Variants in CEP20 observed in about 807,000 individuals in gnomAD.
The protein encoded by CEP20 is FGFR1OP N-terminal like.
In CEP20, 18 loss-of-function variants were observed where a neutral mutation model predicts 20.0. The ratio of observed to expected loss-of-function variants is 0.90; its 90% CI spans 0.62 to 1.34. The LOEUF is 1.34. Among genes scored for constraint, CEP20 ranks in the 40% most tolerant of loss-of-function variants. The pLI, the probability that CEP20 is intolerant of heterozygous loss-of-function variation, is 0.00. For missense variants in CEP20, 215 were observed against 201.6 expected (o/e 1.07, Z -0.40); for synonymous variants, 77 against 73.7 (o/e 1.04, Z -0.23).
At chr16:15,888,314 T>C (rs2045295814) in intron 1 of CEP20, among the ~76,000 whole-genome samples, 1 of 152,098 alleles carries the variant, frequency 6.6e-6, no homozygotes, top group Non-Finnish European at 1.5e-5. Flanking sequence ...TGCCTGAAGA[T>C]TACGCAACTC....
chr16:15,866,732 A>G lies in CEP20; in HGVS notation c.*708T>C, dbSNP rs956092244. The G allele has an allele frequency of 9.9e-5, 15 of 152,208 alleles. No homozygotes were observed. Among genetic ancestry groups the G allele is most frequent in the Non-Finnish European group, 2.9e-5 (2 of 68,042 alleles). 9.4% of individuals were successfully genotyped at this position (152,208 alleles called of 1,614,324 possible). ...CATGCTTACTTCACATTCTTTATCT[A>G]ATAAAATAAACTCTTTGTTTTATTT... On this transcript the variant is annotated 3_prime_UTR_variant, in exon 5 of 5. Coordinates refer to ENST00000255759, the MANE Select transcript of CEP20 (RefSeq NM_144600.4).
In CEP20 at chr16:15,888,557, C is replaced by A. The variant is rs756830363; in HGVS notation, c.28+1G>T. ...GTGGAGGCCTCCCTGCTCGCACTCACCAGCCTTCAACTCTGCCACAGTCGC... is the reference window on the plus strand; with the variant it reads ...GTGGAGGCCTCCCTGCTCGCACTCAACAGCCTTCAACTCTGCCACAGTCGC... On this transcript the variant is annotated splice_donor_variant, in intron 1 of 4. Coordinates refer to ENST00000255759, the MANE Select transcript of CEP20 (RefSeq NM_144600.4). LOFTEE classifies it high-confidence loss of function. The A allele has an allele frequency of 1.2e-6, 2 of 1,614,192 alleles. No individual in the cohort carries two copies. The highest frequency in any genetic ancestry group is 1.1e-5 in the South Asian group (1 of 91,084).
chr16:15,879,602 AGTCACT>A (rs1164949386), intron 3 of CEP20, among the ~76,000 whole-genome samples, 196 bp downstream of exon 3: 1 of 152,206 alleles, frequency 6.6e-6, no homozygotes, highest in African/African-American at 2.4e-5. Context: ...GAAGATGCTG[AGTCACT>A]CTGAAGCCAT....
chr16:15,882,467 T>A (rs1423672897), intron 2 of CEP20, among the ~76,000 whole-genome samples: 3 of 151,538 alleles, frequency 2.0e-5, no homozygotes, highest in Admixed American at 2.0e-4. Context: ...GAGGTAGACG[T>A]TGCAGTGAGC....
At chr16:15,867,973 C>CAAA (rs34250443) in intron 4 of CEP20, among the ~76,000 whole-genome samples, 71 of 69,586 alleles carry the variant, frequency 1.0e-3, no homozygotes, top group Non-Finnish European at 1.7e-3. Flanking sequence ...AACTCGGTCT[C>CAAA]AAAAAAAAAA....
At chr16:15,874,441 T>C (rs945545892) in intron 3 of CEP20, among the ~76,000 whole-genome samples, 5 of 152,186 alleles carry the variant, frequency 3.3e-5, no homozygotes, top group Non-Finnish European at 7.3e-5. Context: ...TTCCCCCAGA[T>C]AGTAAACAAA....
intron 2 of CEP20, among the ~76,000 whole-genome samples, chr16:15,880,518 G>A (rs1040215936): frequency 6.6e-6 from 1 of 152,148 alleles, no homozygotes; most frequent in African/African-American, 2.4e-5. Context: ...GGTCATAGAT[G>A]AGCAAACTAG....
Position 15,888,445 on chromosome 16 carries a change from T to C in CEP20, c.28+113A>G, listed in dbSNP as rs1290170386. The C allele has an allele frequency of 5.0e-6, 7 of 1,393,850 alleles. No individual in the cohort carries two copies. In the African/African-American group the frequency reaches 1.0e-4, roughly 20 times the overall value. 86.3% of individuals were successfully genotyped at this position (1,393,850 alleles called of 1,614,324 possible). On this transcript the variant is annotated intron_variant, in intron 1 of 4. Transcript: ENST00000255759. The stretch of plus-strand genomic sequence containing the variant: ...CCCCGCAGGCCCTCACACCGAAGAA[T>C]GACGCCTGTAAAAGCCAACCCATGT...
chr16:15,882,004 G>A (rs1012297979), intron 2 of CEP20, among the ~76,000 whole-genome samples: 6 of 152,122 alleles, frequency 3.9e-5, no homozygotes, highest in South Asian at 2.1e-4. Context: ...GGGACCTGGC[G>A]GGAGTTGTTT....
At position 15,871,995 on chromosome 16, in the gene CEP20, C is replaced by T. The variant is rs914842349; in HGVS notation, c.448+1496G>A. Among the ~76,000 whole-genome samples, 6 of 152,264 alleles carry T rather than the reference C, an allele frequency of 3.9e-5. No homozygotes were observed. The South Asian group carries it at 1.0e-3, about 26-fold the overall frequency. On this transcript the variant is annotated intron_variant, in intron 4 of 4. Transcript: ENST00000255759. ...TTGTTCTGATAATTGGCAGCCTAAACCCCACCTTTAACTGTCCTTAAAAAT... is the reference window on the plus strand; with the variant it reads ...TTGTTCTGATAATTGGCAGCCTAAATCCCACCTTTAACTGTCCTTAAAAAT...
chr16:15,887,769 T>C (rs1380730708), intron 1 of CEP20, among the ~76,000 whole-genome samples: 1 of 152,048 alleles, frequency 6.6e-6, no homozygotes, highest in Non-Finnish European at 1.5e-5. Context: ...GACAGGAGAA[T>C]GGCCAGGCCA....
chr16:15,867,627 C>T, intron 4 of CEP20, 111 bp from the exon 5 acceptor site: 1 of 668,324 alleles, frequency 1.5e-6, no homozygotes, highest in Non-Finnish European at 2.5e-6. Context: ...TCTATGAGTA[C>T]TTTAGATGGT....
intron 4 of CEP20, among the ~76,000 whole-genome samples, chr16:15,868,559 G>A (rs2151418664): frequency 6.6e-6 from 1 of 152,272 alleles, no homozygotes; most frequent in South Asian, 2.1e-4. Context: ...CAACAACTTT[G>A]ATAATAGGAA....
intron 3 of CEP20, among the ~76,000 whole-genome samples, chr16:15,876,104 T>C (rs1210627348): frequency 1.3e-5 from 2 of 149,864 alleles, no homozygotes; most frequent in Non-Finnish European, 3.0e-5. Flanking sequence ...ATTAATGTGA[T>C]TGTGGAATAC....
chr16:15,882,766 T>TACACACACACACA (rs1445128148), intron 2 of CEP20, among the ~76,000 whole-genome samples: 2 of 105,694 alleles, frequency 1.9e-5, no homozygotes, highest in African/African-American at 7.2e-5. Flanking sequence ...TATCTATCTA[T>TACACACACACACA]CTATCTATCT....
rs927733404 is a variant in CEP20 at position 15,866,159 on chromosome 16, A to G, written c.*1281T>C. ...AGTATAGTTTAAATGGATTTCATTA[A>G]TAAGTTTCTGCATTTAGATAAAAAT... is the stretch of plus-strand genomic sequence containing the variant. On this transcript the variant is annotated 3_prime_UTR_variant, in exon 5 of 5. Coordinates refer to ENST00000255759, the MANE Select transcript of CEP20 (RefSeq NM_144600.4). 2.0e-5 allele frequency: 3 copies of G among 152,224 alleles called. No homozygotes were observed. Among genetic ancestry groups the G allele is most frequent in the Non-Finnish European group, 4.4e-5 (3 of 68,042 alleles). The allele number at this position is 152,224 out of a possible 1,614,324, so 9.4% of individuals were successfully genotyped here.
intron 3 of CEP20, among the ~76,000 whole-genome samples, chr16:15,875,146 T>A (rs775152591): frequency 6.6e-6 from 1 of 152,136 alleles, no homozygotes; most frequent in South Asian, 2.1e-4. Flanking sequence ...AATTCTGGAA[T>A]AATATCACAC....
intron 2 of CEP20, chr16:15,882,877 A>C (rs1203301357): frequency 6.6e-6 from 1 of 151,938 alleles, no homozygotes; most frequent in Non-Finnish European, 1.5e-5. Flanking sequence ...GAGTTGGACC[A>C]GCCTGTCCAA....
chr16:15,868,249 C>T (rs746928336), intron 4 of CEP20, among the ~76,000 whole-genome samples: 1 of 151,688 alleles, frequency 6.6e-6, no homozygotes, highest in Non-Finnish European at 1.5e-5. Context: ...AGATAGAGAC[C>T]CTGTCTCTAC....
Sources: gnomAD v4.1 joint callset for allele counts (sites outside exome capture counted in the v4.1 genomes callset) on GRCh38, gnomAD v4.1.1 for gene constraint, MANE v1.5 for transcripts, NCBI Gene and HGNC (gene_info 2026-07-23, HGNC 2026-07-21) for gene names.